Variants in RAB5B observed in about 807,000 individuals in gnomAD.
RAB5B encodes the protein RAB5B, member RAS oncogene family, also known as ras-related protein Rab-5B.
In RAB5B, 11 loss-of-function variants were observed where a neutral mutation model predicts 28.6. The observed-to-expected ratio is 0.38, with a 90% CI of 0.24 to 0.64. RAB5B has a LOEUF of 0.64. RAB5B is among the 30% of genes least tolerant of loss of function. The pLI is 0.53. For synonymous variants in RAB5B, 93 were observed against 97.9 expected (o/e 0.95, Z 0.29); for missense variants, 169 against 265.6 (o/e 0.64, Z 2.53).
In RAB5B at chr12:55,996,003, A is replaced by ATATATATTTTTT; in HGVS notation, c.*3792_*3793insATATATTTTTTT. 3.6e-3 allele frequency: 354 copies of ATATATATTTTTT among 97,326 alleles called. 4 individuals are homozygous for ATATATATTTTTT. The highest frequency in any genetic ancestry group is 5.5e-3 in the Non-Finnish European group (277 of 50,424). The allele number at this position is 97,326 out of a possible 1,614,324, so 6.0% of individuals were successfully genotyped here. A position where few individuals can be genotyped will look rare whatever the true frequency, so the allele number is the denominator to read the frequency against. ...TATATACATATATATATATATATAT[A>ATATATATTTTTT]TTTTTTTTTTAACAACTGGTAGGAT... On this transcript the variant is annotated 3_prime_UTR_variant, in exon 6 of 6. Coordinates refer to ENST00000360299, the MANE Select transcript of RAB5B (RefSeq NM_002868.4).
At chr12:55,984,429 C>G (rs1047256357) in intron 1 of RAB5B, among the ~76,000 whole-genome samples, 1 of 151,850 alleles carries the variant, frequency 6.6e-6, no homozygotes, top group South Asian at 2.1e-4. Flanking sequence ...ACCTCCTGAT[C>G]TGCCTGCCTT....
At position 55,991,434 on chromosome 12, in the gene RAB5B, T is replaced by C; in HGVS notation, c.513T>C (p.Asn171=). 1 of 1,613,930 alleles carries C rather than the reference T, an allele frequency of 6.2e-7. No homozygotes were observed. Among genetic ancestry groups the C allele is most frequent in the South Asian group, 1.1e-5 (1 of 91,084 alleles). Residue 171 remains asparagine (N), a synonymous_variant, in exon 5 of 6, where the codon AAT becomes AAC. Coordinates refer to ENST00000360299, the MANE Select transcript of RAB5B (RefSeq NM_002868.4). Reference sequence around the variant, plus strand: ...CAGCCAAGACAGCTATGAACGTGAATGATCTCTTCCTGGCAATAGGTAAGG... The same window carrying C: ...CAGCCAAGACAGCTATGAACGTGAACGATCTCTTCCTGGCAATAGGTAAGG... ...ETSAKTAMNV[N]DLFLAIAKKL... is the part of the protein sequence containing the mutation.
intron 5 of RAB5B, 70 bp from the exon 6 acceptor site, chr12:55,992,027 G>T: frequency 8.7e-7 from 1 of 1,148,094 alleles, no homozygotes; most frequent in Non-Finnish European, 1.3e-6. Flanking sequence ...AGCCGTTTTT[G>T]GCGGGTGGAG....
At chr12:55,986,463 A>G (rs1240768725) in intron 1 of RAB5B, among the ~76,000 whole-genome samples, 2 of 152,104 alleles carry the variant, frequency 1.3e-5, no homozygotes, top group East Asian at 3.9e-4. Flanking sequence ...AAGAAAAGGA[A>G]AAGAAGAGCA....
In RAB5B at chr12:55,992,880, C is replaced by G. The variant is rs1291215658; in HGVS notation, c.*668C>G. 1 of 256,370 alleles carries G rather than the reference C, an allele frequency of 3.9e-6. No homozygotes were observed. The highest frequency in any genetic ancestry group is 7.5e-6 in the Non-Finnish European group (1 of 133,300). 15.9% of individuals were successfully genotyped at this position (256,370 alleles called of 1,614,324 possible). A position where few individuals can be genotyped will look rare whatever the true frequency, so the allele number is the denominator to read the frequency against. The stretch of plus-strand genomic sequence containing the variant: ...GATCTCAGGCACCAGGCAGGAGGTG[C>G]CTTGTAAGCTAACTGGGCGGAGGTG... On this transcript the variant is annotated 3_prime_UTR_variant, in exon 6 of 6. Transcript: ENST00000360299.
At position 55,991,711 on chromosome 12, in the gene RAB5B, G is replaced by A. The variant is rs1043551743; in HGVS notation, c.532+258G>A. ...TGGGAGGCCGAGGCGGGCGGATCACGAGGTCAAGAGATCAAGACCATCCTG... is the reference window on the plus strand; with the variant it reads ...TGGGAGGCCGAGGCGGGCGGATCACAAGGTCAAGAGATCAAGACCATCCTG... On this transcript the variant is annotated intron_variant, in intron 5 of 5. Transcript: ENST00000360299. The A allele has an allele frequency of 1.4e-4, 60 of 429,602 alleles. 2 individuals are homozygous for A. The highest frequency in any genetic ancestry group is 1.3e-3 in the South Asian group (57 of 44,916). 26.6% of individuals were successfully genotyped at this position (429,602 alleles called of 1,614,324 possible). A position where few individuals can be genotyped will look rare whatever the true frequency, so the allele number is the denominator to read the frequency against.
rs914884740 is a variant in RAB5B, at chr12:55,990,892, A to G, written c.438+88A>G. ...AAACCAGCCCTCTCTGAAAACGTCA[A>G]CAGAGGACATTCATTGTCTCATTCC... On this transcript the variant is annotated intron_variant, in intron 4 of 5. Transcript: ENST00000360299. 7 of 1,511,314 alleles carry G rather than the reference A, an allele frequency of 4.6e-6. No individual in the cohort carries two copies. In the African/African-American group the frequency reaches 6.9e-5, roughly 15 times the overall value. 93.6% of individuals were successfully genotyped at this position (1,511,314 alleles called of 1,614,324 possible).
chr12:55,994,990 A>T lies in RAB5B; in HGVS notation c.*2778A>T, dbSNP rs575625758. 1.3e-5 allele frequency: 2 copies of T among 152,278 alleles called. No individual in the cohort carries two copies. Among genetic ancestry groups the T allele is most frequent in the South Asian group, 4.1e-4 (2 of 4,820 alleles). The allele number at this position is 152,278 out of a possible 1,614,324, so 9.4% of individuals were successfully genotyped here. ...TTATATCTTTTTAGGCCCTCTTAAC[A>T]GAATGTATATGTGTAGGGTATGGTC... On this transcript the variant is annotated 3_prime_UTR_variant, in exon 6 of 6. Transcript: ENST00000360299.
intron 1 of RAB5B, among the ~76,000 whole-genome samples, chr12:55,975,011 T>C (rs1889606407): frequency 2.0e-5 from 3 of 152,232 alleles, no homozygotes; most frequent in Admixed American, 2.0e-4. Context: ...CTGCAGTCTG[T>C]TTCTTAACTT....
intron 2 of RAB5B, among the ~76,000 whole-genome samples, chr12:55,987,914 A>T (rs558943908): frequency 1.3e-3 from 205 of 151,922 alleles, no homozygotes; most frequent in African/African-American, 4.6e-3. Context: ...TGGGAGGCCA[A>T]GGCAGGCGGA....
rs1293760482 is a variant in RAB5B at position 55,995,995 on chromosome 12, A to ATTTTT, written c.*3784_*3785insTTTTT. On this transcript the variant is annotated 3_prime_UTR_variant, in exon 6 of 6. Transcript: ENST00000360299. ...TCCATATATATATACATATATATATATATATATATTTTTTTTTTAACAACT... is the reference window on the plus strand; with the variant it reads ...TCCATATATATATACATATATATATATTTTTTATATATATTTTTTTTTTAACAACT... 7.7e-5 allele frequency: 8 copies of ATTTTT among 104,058 alleles called. No homozygotes were observed. Among genetic ancestry groups the ATTTTT allele is most frequent in the South Asian group, 2.6e-4 (1 of 3,822 alleles). 6.4% of individuals were successfully genotyped at this position (104,058 alleles called of 1,614,324 possible). A position where few individuals can be genotyped will look rare whatever the true frequency, so the allele number is the denominator to read the frequency against.
chr12:55,981,063 T>C, intron 1 of RAB5B: 1 of 1,589,732 alleles, frequency 6.3e-7, no homozygotes, highest in South Asian at 1.1e-5. Flanking sequence ...GGGGAAGGGA[T>C]GGGGCTATTT....
Position 55,994,485 on chromosome 12 carries a change from T to C in RAB5B, c.*2273T>C, listed in dbSNP as rs1376480020. The C allele has an allele frequency of 6.7e-6, 1 of 149,056 alleles. No individual in the cohort carries two copies. Among genetic ancestry groups the C allele is most frequent in the Non-Finnish European group, 1.5e-5 (1 of 67,096 alleles). The allele number at this position is 149,056 out of a possible 1,614,324, so 9.2% of individuals were successfully genotyped here. A position where few individuals can be genotyped will look rare whatever the true frequency, so the allele number is the denominator to read the frequency against. On this transcript the variant is annotated 3_prime_UTR_variant, in exon 6 of 6. Transcript: ENST00000360299. ...ACCTCTTCTGCCTTCCTTTGAGCTC[T>C]GTTGGGCTTGGGGATCTTAGTTTTC...
chr12:55,990,142 G>A (rs748969266), intron 3 of RAB5B, 44 bp downstream of exon 3: 3 of 1,570,372 alleles, frequency 1.9e-6, no homozygotes, highest in Non-Finnish European at 1.7e-6. Context: ...GGACATGGTG[G>A]CTTACGCCTA....
chr12:55,989,755 C>T (rs75205407), intron 2 of RAB5B, among the ~76,000 whole-genome samples, 192 bp from the exon 3 acceptor site: 3 of 152,196 alleles, frequency 2.0e-5, no homozygotes, highest in Non-Finnish European at 2.9e-5. Flanking sequence ...GCAGGAAGGA[C>T]TTAGCCAAGG....
chr12:55,976,933 T>G (rs1475014708), intron 1 of RAB5B, among the ~76,000 whole-genome samples: 2 of 152,162 alleles, frequency 1.3e-5, no homozygotes, highest in African/African-American at 4.8e-5. Context: ...CCCAAGGAAC[T>G]TTTCTCACCT....
intron 1 of RAB5B, chr12:55,980,726 A>G: frequency 1.9e-6 from 3 of 1,580,660 alleles, no homozygotes; most frequent in South Asian, 1.1e-5. Context: ...GATGCTTTTC[A>G]TCCAGTTCTG....
chr12:55,990,407 CAA>C (rs377074890), intron 3 of RAB5B, among the ~76,000 whole-genome samples: 1 of 127,948 alleles, frequency 7.8e-6, no homozygotes. Context: ...AACTCCGCCT[CAA>C]AAAAAAAAGA....
chr12:55,988,896 T>C (rs1219273387), intron 2 of RAB5B, among the ~76,000 whole-genome samples: 1 of 151,166 alleles, frequency 6.6e-6, no homozygotes, highest in Non-Finnish European at 1.5e-5. Flanking sequence ...TTGATAATGA[T>C]GGGACTTGCC....
Sources: allele counts gnomAD v4.1 joint callset (sites outside exome capture counted in the v4.1 genomes callset), GRCh38; gene constraint gnomAD v4.1.1; transcripts MANE v1.5; gene names NCBI Gene and HGNC (gene_info 2026-07-23, HGNC 2026-07-21).